Variants in MALRD1 observed in about 807,000 individuals in gnomAD.
MALRD1 encodes the protein MAM and LDL-receptor class A domain-containing protein 1.
A neutral mutation model predicts 242.1 loss-of-function variants in MALRD1; 247 were observed. The observed-to-expected ratio is 1.02, with a 90% CI of 0.92 to 1.13. The LOEUF (loss-of-function observed/expected upper bound fraction) is 1.13. Ranked by LOEUF, MALRD1 falls within the 50% of genes most tolerant of loss-of-function variation. MALRD1 has a pLI of 0.00. For missense variants in MALRD1, 2,989 were observed against 2,533.1 expected (o/e 1.18, Z -3.86); for synonymous variants, 995 against 866.6 (o/e 1.15, Z -2.60).
At chr10:19,188,736 T>C (rs1358106861) in intron 14 of MALRD1, among the ~76,000 whole-genome samples, 1 of 152,140 alleles carries the variant, frequency 6.6e-6, no homozygotes, top group African/African-American at 2.4e-5. Flanking sequence ...CTAGAAGACA[T>C]CACCAGCAAA....
At chr10:19,340,421 A>C (rs1189789476) in intron 24 of MALRD1, among the ~76,000 whole-genome samples, 1 of 151,312 alleles carries the variant, frequency 6.6e-6, no homozygotes, top group Non-Finnish European at 1.5e-5. Context: ...GCTTACTTGT[A>C]AGGTGTGGGT....
At chr10:19,291,570 G>C (rs1259358574) in intron 21 of MALRD1, 1 of 151,904 alleles carries the variant, frequency 6.6e-6, no homozygotes, top group African/African-American at 2.4e-5. Context: ...TCATGGAATG[G>C]AGTTGGGAAT....
intron 34 of MALRD1, among the ~76,000 whole-genome samples, chr10:19,607,237 A>G (rs556508760): frequency 3.3e-5 from 5 of 152,174 alleles, no homozygotes; most frequent in African/African-American, 4.8e-5. Context: ...AGGCTGCCGT[A>G]AGAAAATAAC....
intron 38 of MALRD1, among the ~76,000 whole-genome samples, chr10:19,715,881 C>T (rs181524332): frequency 0.011 from 1,656 of 152,138 alleles, 13 homozygotes; most frequent in Non-Finnish European, 0.018. Context: ...AGAGTGAGAA[C>T]TCACTCATTA....
intron 19 of MALRD1, among the ~76,000 whole-genome samples, chr10:19,260,437 A>G (rs1839696500): frequency 6.6e-6 from 1 of 152,180 alleles, no homozygotes; most frequent in Non-Finnish European, 1.5e-5. Flanking sequence ...GGATGGAAAA[A>G]AAAGCATATT....
intron 14 of MALRD1, among the ~76,000 whole-genome samples, chr10:19,202,530 T>G (rs577780946): frequency 6.6e-6 from 1 of 152,302 alleles, no homozygotes; most frequent in African/African-American, 2.4e-5. Context: ...TACATTAAAA[T>G]GCCCTTATAA....
chr10:19,683,529 C>G (rs1842459176), intron 36 of MALRD1, among the ~76,000 whole-genome samples: 1 of 152,206 alleles, frequency 6.6e-6, no homozygotes, highest in Admixed American at 6.5e-5. Flanking sequence ...TAGAAAGCAG[C>G]AGAGTCTAGC....
intron 33 of MALRD1, among the ~76,000 whole-genome samples, chr10:19,593,509 T>G (rs1283134423): frequency 6.6e-6 from 1 of 152,210 alleles, no homozygotes; most frequent in Non-Finnish European, 1.5e-5. Context: ...GTTTAAAATG[T>G]CAAGAAAACA....
At chr10:19,126,222 A>T (rs1837278523) in intron 7 of MALRD1, among the ~76,000 whole-genome samples, 1 of 152,076 alleles carries the variant, frequency 6.6e-6, no homozygotes, top group African/African-American at 2.4e-5. Context: ...TGAGTGCAGG[A>T]ATGAGTATAC....
At chr10:19,103,890 T>A in intron 4 of MALRD1, 89 bp from the exon 5 acceptor site, 1 of 699,084 alleles carries the variant, frequency 1.4e-6, no homozygotes, top group Non-Finnish European at 2.0e-6. Flanking sequence ...ACATGCTTCC[T>A]ATTGCAGGCT....
Position 19,387,624 on chromosome 10 carries a change from A to G in MALRD1, c.4538A>G (p.Asp1513Gly), listed in dbSNP as rs12773592. The change falls in exon 27 of 40, where the codon GAT becomes GGT. Residue 1513 changes from aspartate (D) to glycine (G), a missense_variant. Physicochemically the swap from Asp to Gly is moderately conservative, Grantham distance 94. Coordinates refer to ENST00000454679, the MANE Select transcript of MALRD1 (RefSeq NM_001142308.3). Reference protein sequence around the residue: ...NFVDNCGDNTDENECGSSCTF... With the variant: ...NFVDNCGDNTGENECGSSCTF... ...GTAGATAACTGTGGAGATAATACTGATGAAAATGAGTGTGGTAGCTCCTGT... is the reference window on the plus strand; with the variant it reads ...GTAGATAACTGTGGAGATAATACTGGTGAAAATGAGTGTGGTAGCTCCTGT... The G allele has an allele frequency of 0.14, 211,369 of 1,549,940 alleles. 15,268 individuals are homozygous for G. The highest frequency in any genetic ancestry group is 0.17 in the South Asian group (14,147 of 84,028).
At chr10:19,086,763 G>A (rs1254775525) in intron 2 of MALRD1, among the ~76,000 whole-genome samples, 7 of 152,202 alleles carry the variant, frequency 4.6e-5, no homozygotes, top group South Asian at 2.1e-4. Context: ...GCCTCTGGCC[G>A]AGTTAGGTCA....
chr10:19,118,319 G>A (rs1836943701), intron 5 of MALRD1, among the ~76,000 whole-genome samples: 1 of 152,196 alleles, frequency 6.6e-6, no homozygotes, highest in African/African-American at 2.4e-5. Context: ...CCTGAGAACA[G>A]GTGCCCAAGG....
chr10:19,489,072 G>A (rs1334101841), intron 29 of MALRD1: 2 of 459,660 alleles, frequency 4.4e-6, no homozygotes, highest in Non-Finnish European at 8.8e-6. Context: ...GCCAGGCACC[G>A]CGCACGCGCC....
chr10:19,152,063 G>C (rs78269339), intron 11 of MALRD1, among the ~76,000 whole-genome samples: 11,810 of 152,104 alleles, frequency 0.078, 562 homozygotes, highest in Non-Finnish European at 0.11. Flanking sequence ...TTTAACCCAG[G>C]GAGACTATTC....
At chr10:19,375,346 C>T (rs1424913498) in intron 26 of MALRD1, among the ~76,000 whole-genome samples, 1 of 152,014 alleles carries the variant, frequency 6.6e-6, no homozygotes, top group African/African-American at 2.4e-5. Flanking sequence ...AATGTATACC[C>T]AGATATAAGA....
intron 25 of MALRD1, among the ~76,000 whole-genome samples, chr10:19,350,609 C>G (rs1844332373): frequency 1.3e-5 from 2 of 152,024 alleles, no homozygotes; most frequent in African/African-American, 4.8e-5. Context: ...CTCTCACTAC[C>G]CTGTGTTAGG....
At chr10:19,709,636 G>T (rs774814297) in intron 38 of MALRD1, among the ~76,000 whole-genome samples, 10 of 152,084 alleles carry the variant, frequency 6.6e-5, no homozygotes, top group Non-Finnish European at 1.3e-4. Flanking sequence ...GTATTCCCTA[G>T]TTGCAGTGTA....
At chr10:19,126,299 G>T (rs1837281051) in intron 7 of MALRD1, among the ~76,000 whole-genome samples, 1 of 152,084 alleles carries the variant, frequency 6.6e-6, no homozygotes, top group Admixed American at 6.5e-5. Context: ...TTCTATTCAA[G>T]TAATTCTCTC....
Sources: gnomAD v4.1 joint callset for allele counts (sites outside exome capture counted in the v4.1 genomes callset) on GRCh38, gnomAD v4.1.1 for gene constraint, MANE v1.5 for transcripts, NCBI Gene and HGNC (gene_info 2026-07-23, HGNC 2026-07-21) for gene names.